The following PSME4 variants were observed in gnomAD, a reference collection of about 807,000 sequenced individuals.
The protein encoded by PSME4 is proteasome activator complex subunit 4.
In PSME4, 89 loss-of-function variants were observed where a neutral mutation model predicts 253.9. That is an observed-to-expected ratio of 0.35 (90% CI 0.30 to 0.42). The LOEUF (loss-of-function observed/expected upper bound fraction) is 0.42, where lower values mean the gene tolerates loss of function less well. Among genes scored for constraint, PSME4 ranks in the 10% least tolerant of loss-of-function variants. PSME4 has a pLI of 1.00. For missense variants in PSME4, 2,014 were observed against 2,195.2 expected (o/e 0.92, Z 1.65); for synonymous variants, 851 against 759.2 (o/e 1.12, Z -1.99).
At chr2:53,930,484 G>C (rs887079085) in intron 10 of PSME4, among the ~76,000 whole-genome samples, 1 of 152,102 alleles carries the variant, frequency 6.6e-6, no homozygotes, top group East Asian at 1.9e-4. Flanking sequence ...GGTTGAAGAC[G>C]GACAGGAAAC....
intron 32 of PSME4, among the ~76,000 whole-genome samples, chr2:53,896,496 A>T (rs985821977): frequency 2.0e-4 from 30 of 152,140 alleles, no homozygotes; most frequent in African/African-American, 7.2e-4. Context: ...CCCTAATCCC[A>T]CCACCCAAAG....
At chr2:53,941,978 C>G (rs1669476123) in intron 3 of PSME4, among the ~76,000 whole-genome samples, 1 of 152,106 alleles carries the variant, frequency 6.6e-6, no homozygotes, top group African/African-American at 2.4e-5. Flanking sequence ...CTTCACGCTT[C>G]AGAAGAATAG....
chr2:53,938,023 G>C (rs1018463953), intron 4 of PSME4, among the ~76,000 whole-genome samples: 1 of 151,700 alleles, frequency 6.6e-6, no homozygotes, highest in Non-Finnish European at 1.5e-5. Flanking sequence ...CATCATACTT[G>C]GGATAAAGTA....
chr2:53,931,497 A>G (rs564976051), intron 10 of PSME4, among the ~76,000 whole-genome samples: 37 of 152,322 alleles, frequency 2.4e-4, no homozygotes, highest in African/African-American at 8.2e-4. Context: ...AAGAAATCCA[A>G]AAACCACTTT....
At chr2:53,900,638 T>A (rs557596861) in intron 28 of PSME4, among the ~76,000 whole-genome samples, 1 of 152,356 alleles carries the variant, frequency 6.6e-6, no homozygotes, top group East Asian at 1.9e-4. Flanking sequence ...AAGGGTGATA[T>A]TTATGATATG....
chr2:53,901,714 T>G (rs1042100768), intron 27 of PSME4, among the ~76,000 whole-genome samples, 155 bp from the exon 28 acceptor site: 11 of 152,258 alleles, frequency 7.2e-5, no homozygotes, highest in African/African-American at 2.4e-4. Context: ...AACATGTTAC[T>G]TTTTAGAAAT....
chr2:53,875,355 C>A (rs1386668820), intron 42 of PSME4, among the ~76,000 whole-genome samples: 1 of 152,176 alleles, frequency 6.6e-6, no homozygotes, highest in South Asian at 2.1e-4. Context: ...ATCCACCTTC[C>A]TCATAAGCAC....
At chr2:53,925,910 G>A in intron 13 of PSME4, 49 bp downstream of exon 13, 6 of 1,538,078 alleles carry the variant, frequency 3.9e-6, no homozygotes, top group Non-Finnish European at 5.4e-6. Flanking sequence ...GGATAGAAGA[G>A]TCATTTTCTA....
Position 53,890,113 on chromosome 2 carries a change from T to C in PSME4, c.4287A>G (p.Ala1429=). Residue 1429 remains alanine, a synonymous_variant, in exon 37 of 47, where the codon GCA becomes GCG. Coordinates refer to ENST00000404125, the MANE Select transcript of PSME4 (RefSeq NM_014614.3). The stretch of plus-strand genomic sequence containing the variant: ...ATGTAGGGTAACTTACACAGGATGT[T>C]GCTATACAAGCTCCCCAGTCATTAT... ...ETYNDWGACI[A]TSCESRDPRK... The C allele has an allele frequency of 6.2e-7, 1 of 1,611,372 alleles. No homozygotes were observed. Among genetic ancestry groups the C allele is most frequent in the East Asian group, 2.2e-5 (1 of 44,864 alleles).
intron 3 of PSME4, chr2:53,942,349 T>C (rs1669491180): frequency 6.6e-6 from 1 of 152,464 alleles, no homozygotes. Context: ...ACTAAAGTGA[T>C]AACAATTCAA....
chr2:53,949,670 T>TC (rs1472556564), intron 1 of PSME4, among the ~76,000 whole-genome samples: 1 of 152,118 alleles, frequency 6.6e-6, no homozygotes, highest in Non-Finnish European at 1.5e-5. Context: ...TGTGTAGGTA[T>TC]CCAAAGTAAT....
chr2:53,876,971 C>T (rs544930171), intron 41 of PSME4, among the ~76,000 whole-genome samples: 7 of 151,816 alleles, frequency 4.6e-5, no homozygotes, highest in Admixed American at 3.3e-4. Flanking sequence ...AATCTTCCTG[C>T]GCTGGCCTCC....
intron 14 of PSME4, among the ~76,000 whole-genome samples, chr2:53,923,635 G>A (rs1668423944): frequency 1.3e-5 from 2 of 152,086 alleles, no homozygotes; most frequent in Admixed American, 6.6e-5. Context: ...AAATATTTTA[G>A]GTACTGGCTG....
intron 41 of PSME4, among the ~76,000 whole-genome samples, chr2:53,883,981 TCTA>T (rs768625425): frequency 1.6e-4 from 25 of 152,194 alleles, no homozygotes; most frequent in Non-Finnish European, 3.1e-4. Flanking sequence ...GACCGCCTCT[TCTA>T]CTCCTTCTGT....
chr2:53,913,527 C>G (rs963761535), intron 20 of PSME4, among the ~76,000 whole-genome samples: 1 of 152,126 alleles, frequency 6.6e-6, no homozygotes, highest in African/African-American at 2.4e-5. Flanking sequence ...CCCAATAACC[C>G]TTCCCCTTCC....
chr2:53,869,676 T>A, intron 43 of PSME4, 138 bp from the exon 44 acceptor site: 2 of 571,036 alleles, frequency 3.5e-6, no homozygotes, highest in Non-Finnish European at 5.6e-6. Context: ...TTTGGCAGTT[T>A]CTTAATAGAG....
intron 21 of PSME4, among the ~76,000 whole-genome samples, chr2:53,909,731 G>A (rs1667741552): frequency 2.0e-5 from 3 of 152,194 alleles, no homozygotes; most frequent in African/African-American, 7.2e-5. Flanking sequence ...GGAAGCGGAG[G>A]TGGGTAGATC....
rs1179532296 is a variant in PSME4, at chr2:53,925,821, C to A, written c.1659-132G>T. 6 of 1,258,418 alleles carry A rather than the reference C, an allele frequency of 4.8e-6. No homozygotes were observed. In the African/African-American group the frequency reaches 9.0e-5, roughly 19 times the overall value. 78.0% of individuals were successfully genotyped at this position (1,258,418 alleles called of 1,614,324 possible). The stretch of plus-strand genomic sequence containing the variant: ...CTTAATTTCTACGTGGTTCACAAAT[C>A]GATTATCCTTTTATAACTTCAGGAG... On this transcript the variant is annotated intron_variant, in intron 13 of 46. Transcript: ENST00000404125.
chr2:53,960,211 C>A (rs1670418936), intron 1 of PSME4, among the ~76,000 whole-genome samples: 1 of 151,682 alleles, frequency 6.6e-6, no homozygotes, highest in Non-Finnish European at 1.5e-5. Context: ...ACCAGCCTGG[C>A]CAACATGGCG....
Sources: allele counts gnomAD v4.1 joint callset (sites outside exome capture counted in the v4.1 genomes callset), GRCh38; gene constraint gnomAD v4.1.1; transcripts MANE v1.5; gene names NCBI Gene and HGNC (gene_info 2026-07-23, HGNC 2026-07-21).